The following ACAD10 variants were observed in gnomAD, a reference collection of about 807,000 sequenced individuals.
ACAD10 encodes the protein acyl-CoA dehydrogenase family member 10.
A neutral mutation model predicts 116.8 loss-of-function variants in ACAD10; 112 were observed. The observed-to-expected ratio is 0.96, with a 90% CI of 0.82 to 1.12. The LOEUF is 1.12. Ranked by LOEUF, ACAD10 falls within the 50% of genes most tolerant of loss-of-function variation. The pLI, the probability that ACAD10 is intolerant of heterozygous loss-of-function variation, is 0.00. For missense variants in ACAD10, 1,259 were observed against 1,350.2 expected (o/e 0.93, Z 1.06); for synonymous variants, 486 against 510.6 (o/e 0.95, Z 0.65).
chr12:111,755,725 G>A lies in ACAD10; in HGVS notation c.3019G>A (p.Val1007Met). ...GGTCGCCCCGTCCATGGCCTCCCGA[G>A]TGATTGATCGTGCGATTCAGGTGAG... ...KMVAPSMASR[V>M]IDRAIQAFGA... Residue 1007 changes from valine (V) to methionine (M), a missense_variant, in exon 20 of 21, where the codon GTG (valine) becomes ATG (methionine). By Grantham distance (21) the Val-to-Met change is conservative. Transcript: ENST00000313698. The A allele has an allele frequency of 6.2e-7, 1 of 1,613,874 alleles. No homozygotes were observed. Among genetic ancestry groups the A allele is most frequent in the Middle Eastern group, 1.6e-4 (1 of 6,062 alleles).
intron 4 of ACAD10, 140 bp downstream of exon 4, chr12:111,706,072 A>C: frequency 1.2e-6 from 1 of 846,570 alleles, no homozygotes; most frequent in African/African-American, 1.7e-5. Flanking sequence ...GTTTAAATGC[A>C]ATATGTTGAA....
chr12:111,755,814 G>C, intron 20 of ACAD10, 69 bp downstream of exon 20: 1 of 1,461,386 alleles, frequency 6.8e-7, no homozygotes, highest in East Asian at 2.3e-5. Flanking sequence ...CCTATCTTCA[G>C]CCGCCCAGCC....
chr12:111,735,260 T>TA (rs1286504523), intron 11 of ACAD10, among the ~76,000 whole-genome samples: 10 of 152,180 alleles, frequency 6.6e-5, no homozygotes, highest in African/African-American at 2.4e-4. Context: ...ACATTTGGGT[T>TA]AATTCCTATT....
At position 111,744,595 on chromosome 12, in the gene ACAD10, T is replaced by TGATG. The variant is rs765911665; in HGVS notation, c.1715-46_1715-43dup. ...GTGTCATCACATGTTAACATCCCTA[T>TGATG]GATGGGTCGTGTGGGAGTAATCACT... On this transcript the variant is annotated intron_variant, in intron 12 of 20. Coordinates refer to ENST00000313698, the MANE Select transcript of ACAD10 (RefSeq NM_025247.6). 33 of 1,571,764 alleles carry TGATG rather than the reference T, an allele frequency of 2.1e-5. No homozygotes were observed. The South Asian group carries it at 4.0e-4, about 19-fold the overall frequency.
chr12:111,712,135 G>A (rs993523002), intron 5 of ACAD10, among the ~76,000 whole-genome samples: 1 of 152,216 alleles, frequency 6.6e-6, no homozygotes, highest in Admixed American at 6.5e-5. Context: ...GGATGGATGC[G>A]TCAGCTTATA....
At chr12:111,693,758 C>A (rs796924490) in intron 2 of ACAD10, among the ~76,000 whole-genome samples, 19 of 152,234 alleles carry the variant, frequency 1.2e-4, no homozygotes, top group African/African-American at 4.6e-4. Flanking sequence ...TTCTTTTCTA[C>A]TCAGTTCAGT....
intron 7 of ACAD10, among the ~76,000 whole-genome samples, chr12:111,719,459 G>A (rs779714388): frequency 4.0e-5 from 6 of 151,644 alleles, no homozygotes; most frequent in Non-Finnish European, 5.9e-5. Flanking sequence ...TCACCACTTC[G>A]GCCAGGATGG....
At chr12:111,750,183 C>G (rs550616787) in intron 18 of ACAD10, among the ~76,000 whole-genome samples, 23 of 150,828 alleles carry the variant, frequency 1.5e-4, no homozygotes, top group Non-Finnish European at 2.8e-4. Context: ...CCTCTGCCTA[C>G]TGGGTTCACA....
intron 2 of ACAD10, among the ~76,000 whole-genome samples, chr12:111,697,236 G>A (rs929761948): frequency 4.0e-5 from 6 of 151,518 alleles, no homozygotes; most frequent in Middle Eastern, 3.4e-3. Context: ...TCAAGACTCC[G>A]TCTTGGGAGA....
chr12:111,695,620 T>G (rs1416632851), intron 2 of ACAD10, among the ~76,000 whole-genome samples: 1 of 152,162 alleles, frequency 6.6e-6, no homozygotes, highest in Admixed American at 6.6e-5. Flanking sequence ...TGGGTAAATG[T>G]GAACAAAATA....
At chr12:111,756,039 C>G in intron 20 of ACAD10, 1 of 1,036,692 alleles carries the variant, frequency 9.6e-7, no homozygotes, top group Non-Finnish European at 1.3e-6. Flanking sequence ...TTTCATAAGC[C>G]CAGAGCCCAG....
Position 111,756,683 on chromosome 12 carries a change from G to A in ACAD10, c.*210G>A, listed in dbSNP as rs1371599556. 2 of 855,832 alleles carry A rather than the reference G, an allele frequency of 2.3e-6. No individual in the cohort carries two copies. Among genetic ancestry groups the A allele is most frequent in the East Asian group, 5.5e-5 (2 of 36,524 alleles). 53.0% of individuals were successfully genotyped at this position (855,832 alleles called of 1,614,324 possible). The stretch of plus-strand genomic sequence containing the variant: ...GGAGTCTGTTTCAGGCCAGGAGGAG[G>A]GGATTTGCTGAGGGCCAAGGGGGTT... On this transcript the variant is annotated 3_prime_UTR_variant, in exon 21 of 21. Transcript: ENST00000313698.
intron 6 of ACAD10, chr12:111,715,493 A>C (rs1054973785): frequency 3.5e-6 from 1 of 289,018 alleles, no homozygotes; most frequent in African/African-American, 2.1e-5. Flanking sequence ...TGTGCTTGAT[A>C]AACAGAATGA....
chr12:111,755,799 ACT>A (rs1401633014), intron 20 of ACAD10, 54 bp downstream of exon 20: 4 of 1,555,194 alleles, frequency 2.6e-6, no homozygotes, highest in South Asian at 1.1e-5. Context: ...TAGATGCCAA[ACT>A]CTCCTATCTT....
Position 111,734,628 on chromosome 12 carries a change from A to G in ACAD10, c.1540+560A>G, listed in dbSNP as rs575573407. Among the ~76,000 whole-genome samples, 57 of 152,326 alleles carry G rather than the reference A, an allele frequency of 3.7e-4. 1 individual carries two copies. Among genetic ancestry groups the G allele is most frequent in the Admixed American group, 3.1e-3 (48 of 15,294 alleles). Reference sequence around the variant, plus strand: ...AACAGGGCGAGACTCCATCTCAAAAAAAACAAAAACAAACCACATTTATTG... The same window carrying G: ...AACAGGGCGAGACTCCATCTCAAAAGAAACAAAAACAAACCACATTTATTG... On this transcript the variant is annotated intron_variant, in intron 11 of 20. Coordinates refer to ENST00000313698, the MANE Select transcript of ACAD10 (RefSeq NM_025247.6).
chr12:111,735,616 C>T (rs1024135386), intron 11 of ACAD10, among the ~76,000 whole-genome samples: 9 of 151,966 alleles, frequency 5.9e-5, no homozygotes, highest in East Asian at 3.9e-4. Flanking sequence ...CCACCACGCC[C>T]GGCTAAATTT....
At chr12:111,705,989 T>A in intron 4 of ACAD10, 57 bp downstream of exon 4, 1 of 1,570,794 alleles carries the variant, frequency 6.4e-7, no homozygotes, top group Non-Finnish European at 8.7e-7. Flanking sequence ...CGCTTCAGGG[T>A]GCAATGTTAA....
chr12:111,699,125 C>T (rs941256194), intron 2 of ACAD10, among the ~76,000 whole-genome samples: 5 of 152,084 alleles, frequency 3.3e-5, no homozygotes, highest in Non-Finnish European at 5.9e-5. Flanking sequence ...ACAATCTGCC[C>T]ACCTCTGCCT....
At chr12:111,754,309 C>G (rs184014609) in intron 19 of ACAD10, among the ~76,000 whole-genome samples, 7 of 152,278 alleles carry the variant, frequency 4.6e-5, no homozygotes, top group African/African-American at 1.4e-4. Flanking sequence ...CACTAAGGCT[C>G]TTTTTAACCT....
Sources: gnomAD v4.1 joint callset for allele counts (sites outside exome capture counted in the v4.1 genomes callset) on GRCh38, gnomAD v4.1.1 for gene constraint, MANE v1.5 for transcripts, NCBI Gene and HGNC (gene_info 2026-07-23, HGNC 2026-07-21) for gene names.